Variants in FANCI observed in about 807,000 individuals in gnomAD.
FANCI encodes FA complementation group I.
FANCI carries 156 observed loss-of-function variants against 176.1 expected under a neutral mutation model. The ratio of observed to expected loss-of-function variants is 0.89; its 90% confidence interval spans 0.78 to 1.01. The LOEUF (loss-of-function observed/expected upper bound fraction) is 1.01. Ranked by LOEUF, FANCI falls within the 50% of genes least tolerant of loss-of-function variation. The pLI is 0.00. For missense variants in FANCI, 1,678 were observed against 1,534.1 expected (o/e 1.09, Z -1.57); for synonymous variants, 613 against 541.7 (o/e 1.13, Z -1.83).
intron 18 of FANCI, among the ~76,000 whole-genome samples, chr15:89,289,731 T>C (rs974613395): frequency 2.0e-5 from 3 of 152,076 alleles, no homozygotes; most frequent in Non-Finnish European, 4.4e-5. Flanking sequence ...TTTTTTTTTT[T>C]TAAGACAGAG....
chr15:89,313,926 C>CACAAAT (rs1364757336), intron 35 of FANCI, among the ~76,000 whole-genome samples: 1 of 146,532 alleles, frequency 6.8e-6, no homozygotes, highest in Non-Finnish European at 1.5e-5. Context: ...CACACACACA[C>CACAAAT]GTAGGACCTA....
At chr15:89,289,083 T>A (rs1207411825) in intron 18 of FANCI, among the ~76,000 whole-genome samples, 1 of 152,076 alleles carries the variant, frequency 6.6e-6, no homozygotes, top group Non-Finnish European at 1.5e-5. Context: ...TGATAATATA[T>A]ATGAGGAGCT....
intron 32 of FANCI, among the ~76,000 whole-genome samples, chr15:89,307,034 A>G (rs779206787): frequency 1.2e-4 from 19 of 152,218 alleles, no homozygotes; most frequent in Non-Finnish European, 2.1e-4. Context: ...GCAATGATCC[A>G]TATTAAATAC....
Position 89,268,459 on chromosome 15 carries a change from T to G in FANCI, c.816T>G (p.Ile272Met), listed in dbSNP as rs746104364. ...GELRHVEGTI[I>M]LHIVFAIKLD... ...TTCGTCATGTGGAAGGCACCATTATTCTACACATTGTGTTTGCCATCAAAT... is the reference window on the plus strand; with the variant it reads ...TTCGTCATGTGGAAGGCACCATTATGCTACACATTGTGTTTGCCATCAAAT... Residue 272 changes from isoleucine (I) to methionine (M), a missense_variant, in exon 10 of 38, where the codon ATT becomes ATG. Ile to Met is a conservative substitution (Grantham distance 10). This residue lies in a region of FANCI where 469 missense variants were observed against 436.9 expected (regional missense o/e 1.07). Coordinates refer to ENST00000310775, the MANE Select transcript of FANCI (RefSeq NM_001113378.2). 2.5e-6 allele frequency: 4 copies of G among 1,614,060 alleles called. No homozygotes were observed. The highest frequency in any genetic ancestry group is 8.5e-7 in the Non-Finnish European group (1 of 1,180,016).
intron 34 of FANCI, chr15:89,308,020 C>T: frequency 8.3e-7 from 1 of 1,206,480 alleles, no homozygotes; most frequent in Non-Finnish European, 1.0e-6. Context: ...TAGCAGCAAG[C>T]ACATGAAGAA....
intron 15 of FANCI, among the ~76,000 whole-genome samples, chr15:89,281,524 A>G (rs1264828211): frequency 4.6e-5 from 7 of 152,230 alleles, no homozygotes; most frequent in Admixed American, 4.6e-4. Context: ...AAGTTAATGA[A>G]ATAATTAAAA....
intron 13 of FANCI, among the ~76,000 whole-genome samples, chr15:89,278,014 T>C (rs112762860): frequency 6.6e-5 from 10 of 152,338 alleles, no homozygotes; most frequent in African/African-American, 1.7e-4. Flanking sequence ...AACAGTGATA[T>C]TGTTAAAGAC....
chr15:89,268,121 G>T (rs2151368327), intron 9 of FANCI, among the ~76,000 whole-genome samples: 1 of 152,278 alleles, frequency 6.6e-6, no homozygotes, highest in Non-Finnish European at 1.5e-5. Flanking sequence ...TGTTGAGACA[G>T]GGTCTCTCTG....
At position 89,306,140 on chromosome 15, in the gene FANCI, C is replaced by T. The variant is rs1358216746; in HGVS notation, c.3483C>T (p.Thr1161=). ...TALPSGSCVD[T]LLKDLCKMYT... ...TGCCATCAGGCAGCTGTGTGGACACCTTGTTAAAGGACTTGTGCAAAATGT... is the reference window on the plus strand; with the variant it reads ...TGCCATCAGGCAGCTGTGTGGACACTTTGTTAAAGGACTTGTGCAAAATGT... Residue 1161 remains threonine (T), a synonymous_variant, in exon 32 of 38, where the codon ACC becomes ACT. Coordinates refer to ENST00000310775, the MANE Select transcript of FANCI (RefSeq NM_001113378.2). 6.2e-7 allele frequency: 1 copy of T among 1,614,158 alleles called. No homozygotes were observed. The highest frequency in any genetic ancestry group is 1.3e-5 in the African/African-American group (1 of 75,030).
At chr15:89,303,652 C>T (rs2054605624) in intron 27 of FANCI, among the ~76,000 whole-genome samples, 1 of 152,202 alleles carries the variant, frequency 6.6e-6, no homozygotes, top group South Asian at 2.1e-4. Context: ...AGGACATAGA[C>T]ATTGAGAATT....
rs1223104265 is a variant in FANCI, at chr15:89,316,827, C to T, written c.*368C>T. ...TATCTGGTAAATATCCAGCGCTTCA[C>T]CTGAAAGATAGTGCAAATTGGTTAG... On this transcript the variant is annotated 3_prime_UTR_variant, in exon 38 of 38. Transcript: ENST00000310775. 1.2e-6 allele frequency: 2 copies of T among 1,612,718 alleles called. No individual in the cohort carries two copies. The highest frequency in any genetic ancestry group is 1.3e-5 in the African/African-American group (1 of 74,982).
At chr15:89,278,879 G>A in intron 14 of FANCI, 105 bp downstream of exon 14, 1 of 810,934 alleles carries the variant, frequency 1.2e-6, no homozygotes, top group Non-Finnish European at 2.1e-6. Context: ...TTTAAATGCA[G>A]TATCTTTGAT....
At chr15:89,267,662 C>T (rs73466692) in intron 9 of FANCI, among the ~76,000 whole-genome samples, 5,534 of 152,194 alleles carry the variant, frequency 0.036, 311 homozygotes, top group African/African-American at 0.12. Context: ...CACAGTGAAT[C>T]GTGCCTGTGA....
chr15:89,247,261 T>C (rs73475355), intron 1 of FANCI, among the ~76,000 whole-genome samples: 6,576 of 152,174 alleles, frequency 0.043, 449 homozygotes, highest in African/African-American at 0.15. Flanking sequence ...CTTTATTACA[T>C]GCTTATGGTA....
At chr15:89,245,147 C>CTA (rs977170963) in intron 1 of FANCI, 2 of 148,848 alleles carry the variant, frequency 1.3e-5, no homozygotes, top group Non-Finnish European at 2.9e-5. Flanking sequence ...GTTTAACAAC[C>CTA]TATACTGAGC....
chr15:89,287,723 G>T (rs1567161750), intron 18 of FANCI, among the ~76,000 whole-genome samples: 2 of 152,154 alleles, frequency 1.3e-5, no homozygotes, highest in Admixed American at 6.5e-5. Flanking sequence ...CATTGTAGGG[G>T]TTATTAATTG....
downstream of FANCI, chr15:89,317,196 C>T (rs3176238): frequency 0.42 from 266,199 of 636,918 alleles, 57,629 homozygotes; most frequent in African/African-American, 0.62. Flanking sequence ...GCCTTCATTT[C>T]TGAAACATCA....
chr15:89,314,480 A>T lies in FANCI; in HGVS notation c.3721-132A>T. ...CTGCCAAAAATTTTAGATTACTGGT[A>T]TACAACTGCATTTGATTGGGAGACA... On this transcript the variant is annotated intron_variant, in intron 35 of 37. Transcript: ENST00000310775. 5.6e-6 allele frequency: 4 copies of T among 716,406 alleles called. No individual in the cohort carries two copies. The Admixed American group carries it at 6.3e-5, about 11-fold the overall frequency. The allele number at this position is 716,406 out of a possible 1,614,324, so 44.4% of individuals were successfully genotyped here. A position where few individuals can be genotyped will look rare whatever the true frequency, so the allele number is the denominator to read the frequency against.
chr15:89,297,252 A>C (rs2054329919), intron 24 of FANCI, among the ~76,000 whole-genome samples: 1 of 149,720 alleles, frequency 6.7e-6, no homozygotes, highest in Non-Finnish European at 1.5e-5. Context: ...GGCCAGGCAG[A>C]GACGCTCCTC....
Sources: allele counts gnomAD v4.1 joint callset (sites outside exome capture counted in the v4.1 genomes callset), GRCh38; gene constraint gnomAD v4.1.1; regional missense constraint gnomAD v4.1.1; transcripts MANE v1.5; gene names NCBI Gene and HGNC (gene_info 2026-07-23, HGNC 2026-07-21).